Variants in CLTCL1 observed in about 807,000 individuals in gnomAD.
The protein encoded by CLTCL1 is clathrin heavy chain like 1.
A neutral mutation model predicts 190.0 loss-of-function variants in CLTCL1; 159 were observed. The observed-to-expected ratio is 0.84, with a 90% CI of 0.74 to 0.95. CLTCL1 has a LOEUF of 0.95. Among genes scored for constraint, CLTCL1 ranks in the 40% least tolerant of loss-of-function variants. The pLI is 0.00. For synonymous variants in CLTCL1, 752 were observed against 769.6 expected (o/e 0.98, Z 0.38); for missense variants, 1,878 against 2,033.4 (o/e 0.92, Z 1.47).
At chr22:19,227,312 C>T (rs1439132293) in intron 11 of CLTCL1, among the ~76,000 whole-genome samples, 1 of 143,766 alleles carries the variant, frequency 7.0e-6, no homozygotes, top group African/African-American at 2.6e-5. Flanking sequence ...CAGGGTCTCA[C>T]TCTGTTGCCC....
intron 2 of CLTCL1, among the ~76,000 whole-genome samples, chr22:19,263,659 T>C (rs1569238032): frequency 6.6e-6 from 1 of 152,158 alleles, no homozygotes; most frequent in Non-Finnish European, 1.5e-5. Context: ...GACCTTGTGA[T>C]TCTCCTGCCT....
chr22:19,210,504 A>G lies in CLTCL1; in HGVS notation c.3071T>C (p.Leu1024Pro). The G allele has an allele frequency of 6.2e-7, 1 of 1,613,208 alleles. No individual in the cohort carries two copies. The highest frequency in any genetic ancestry group is 2.2e-5 in the East Asian group (1 of 44,874). Residue 1024 changes from leucine (L) to proline (P), a missense_variant, in exon 20 of 33, where the codon CTA (leucine) becomes CCA (proline). Transcript: ENST00000427926. ...GGCAGTCAGGATCAACAGATTCTGT[A>G]GATTCCTGAGGAGAGAGGGTGGTCA... ...DNSVFSEHRN[L>P]QNLLILTAIK...
chr22:19,253,995 G>A lies in CLTCL1; in HGVS notation c.483C>T (p.Tyr161=), dbSNP rs2146084305. 1 of 1,613,276 alleles carries A rather than the reference G, an allele frequency of 6.2e-7. No individual in the cohort carries two copies. The highest frequency in any genetic ancestry group is 8.5e-7 in the Non-Finnish European group (1 of 1,179,580). Reference sequence around the variant, plus strand: ...TGCCTACGAGCAGCAGCCACTTCTGGTACTCATCAGTCCGGTAGTGAATCA... The same window carrying A: ...TGCCTACGAGCAGCAGCCACTTCTGATACTCATCAGTCCGGTAGTGAATCA... ...CQVIHYRTDE[Y]QKWLLLVGIS... The change falls in exon 3 of 33, where the codon TAC becomes TAT. Residue 161 remains tyrosine, a synonymous_variant. Transcript: ENST00000427926.
intron 3 of CLTCL1, among the ~76,000 whole-genome samples, chr22:19,252,699 G>A (rs1003055596): frequency 2.0e-5 from 3 of 152,202 alleles, no homozygotes; most frequent in Admixed American, 2.0e-4. Flanking sequence ...TCAAGTATCT[G>A]GTGACTGAAT....
intron 6 of CLTCL1, among the ~76,000 whole-genome samples, chr22:19,235,307 T>A (rs1305022805): frequency 2.0e-5 from 3 of 152,194 alleles, no homozygotes; most frequent in Non-Finnish European, 2.9e-5. Flanking sequence ...GCAGTTGGGA[T>A]TACAGGCATA....
chr22:19,271,839 G>A (rs1043180907), intron 2 of CLTCL1, among the ~76,000 whole-genome samples: 3 of 152,140 alleles, frequency 2.0e-5, no homozygotes, highest in Non-Finnish European at 4.4e-5. Context: ...AATTGAGGTG[G>A]CTCACATCAG....
intron 27 of CLTCL1, among the ~76,000 whole-genome samples, chr22:19,188,614 C>CTTTTTT (rs1195452293): frequency 2.2e-5 from 3 of 137,042 alleles, no homozygotes; most frequent in East Asian, 2.1e-4. Context: ...ATTTCTTTTT[C>CTTTTTT]TTTTTTTTTT....
At chr22:19,280,501 A>G (rs361639) in intron 1 of CLTCL1, among the ~76,000 whole-genome samples, 59,549 of 151,958 alleles carry the variant, frequency 0.39, 12,631 homozygotes, top group South Asian at 0.54. Context: ...ACATGAATGA[A>G]CCTTGAGGTC....
intron 27 of CLTCL1, among the ~76,000 whole-genome samples, chr22:19,188,886 A>G (rs1169553062): frequency 6.6e-6 from 1 of 151,892 alleles, no homozygotes; most frequent in African/African-American, 2.4e-5. Flanking sequence ...AAGTGCTAGG[A>G]TTACAGGCAT....
intron 21 of CLTCL1, 22 bp from the exon 22 acceptor site, chr22:19,208,333 AG>A (rs781953690): frequency 3.7e-6 from 6 of 1,611,324 alleles, no homozygotes; most frequent in Non-Finnish European, 4.2e-6. Context: ...AAACAAAGAT[AG>A]GTTAACCCAG....
chr22:19,212,714 T>C (rs551684078), intron 19 of CLTCL1, among the ~76,000 whole-genome samples: 90 of 152,290 alleles, frequency 5.9e-4, no homozygotes, highest in African/African-American at 2.1e-3. Flanking sequence ...ATCTGGCCAA[T>C]TGATTTTTGA....
At chr22:19,194,605 A>C (rs2084634869) in intron 26 of CLTCL1, among the ~76,000 whole-genome samples, 1 of 152,238 alleles carries the variant, frequency 6.6e-6, no homozygotes, top group South Asian at 2.1e-4. Context: ...ACCGGATGCC[A>C]GGCACCTGCC....
At position 19,258,671 on chromosome 22, in the gene CLTCL1, T is replaced by C. The variant is rs554890716; in HGVS notation, c.251-4444A>G. Reference sequence around the variant, plus strand: ...CCACCTACCACCGCCTGCTGGAAGATGGGGAGGACTTCAATCTTGGTGAGG... The same window carrying C: ...CCACCTACCACCGCCTGCTGGAAGACGGGGAGGACTTCAATCTTGGTGAGG... On this transcript the variant is annotated intron_variant, in intron 2 of 32. Coordinates refer to ENST00000427926, the MANE Select transcript of CLTCL1 (RefSeq NM_007098.4). 8 of 654,384 alleles carry C rather than the reference T, an allele frequency of 1.2e-5. No homozygotes were observed. In the East Asian group the frequency reaches 1.5e-4, roughly 12 times the overall value. 40.5% of individuals were successfully genotyped at this position (654,384 alleles called of 1,614,324 possible). A position where few individuals can be genotyped will look rare whatever the true frequency, so the allele number is the denominator to read the frequency against.
intron 31 of CLTCL1, among the ~76,000 whole-genome samples, 188 bp from the exon 32 acceptor site, chr22:19,180,426 C>A (rs62223877): frequency 1.3e-5 from 2 of 152,182 alleles, no homozygotes; most frequent in African/African-American, 4.8e-5. Context: ...AGGTGCAAAG[C>A]CCCTCCCAGC....
intron 3 of CLTCL1, among the ~76,000 whole-genome samples, chr22:19,245,630 C>A (rs2086396150): frequency 6.6e-6 from 1 of 152,194 alleles, no homozygotes; most frequent in Non-Finnish European, 1.5e-5. Flanking sequence ...TTTCATCACC[C>A]AAAAGAAATT....
At position 19,265,570 on chromosome 22, in the gene CLTCL1, C is replaced by A. The variant is rs1413020590; in HGVS notation, c.250+10053G>T. Among the ~76,000 whole-genome samples, 3 of 151,602 alleles carry A rather than the reference C, an allele frequency of 2.0e-5. No individual in the cohort carries two copies. The East Asian group carries it at 5.8e-4, about 29-fold the overall frequency. ...TATATGAATGATAAAAATAGCACAA[C>A]AGAGGGAGGAGGAAATGAAGCTATG... On this transcript the variant is annotated intron_variant, in intron 2 of 32. Transcript: ENST00000427926.
rs1555954146 is a variant in CLTCL1, at chr22:19,223,967, C to T, written c.2216G>A (p.Gly739Glu). The T allele has an allele frequency of 1.2e-6, 2 of 1,613,998 alleles. No individual in the cohort carries two copies. The highest frequency in any genetic ancestry group is 1.7e-5 in the Admixed American group (1 of 60,026). The change falls in exon 14 of 33, where the codon GGG becomes GAG. Residue 739 changes from glycine (G) to glutamate (E), a missense_variant. Gly to Glu is a moderately conservative substitution (Grantham distance 98). Transcript: ENST00000427926. ...LKYIQAACKTGQIKEVERICR... is the reference protein window; with the variant it reads ...LKYIQAACKTEQIKEVERICR... ...TATCCTCTCCACCTCCTTGATCTGC[C>T]CTGTCTTACAGGCAGCCTGAATGTA...
chr22:19,216,664 G>A (rs1201042662), intron 18 of CLTCL1, among the ~76,000 whole-genome samples: 1 of 152,214 alleles, frequency 6.6e-6, no homozygotes, highest in Non-Finnish European at 1.5e-5. Context: ...ACAGTCCACA[G>A]CCAGAGCTGT....
At chr22:19,230,058 T>C in intron 10 of CLTCL1, 83 bp from the exon 11 acceptor site, 2 of 1,322,088 alleles carry the variant, frequency 1.5e-6, no homozygotes, top group Non-Finnish European at 2.0e-6. Flanking sequence ...TCCTGAAATA[T>C]TATCTCATTT....
Sources: gnomAD v4.1 joint callset for allele counts (sites outside exome capture counted in the v4.1 genomes callset) on GRCh38, gnomAD v4.1.1 for gene constraint, MANE v1.5 for transcripts, NCBI Gene and HGNC (gene_info 2026-07-23, HGNC 2026-07-21) for gene names.